The following FZD3 variants were observed in gnomAD, a reference collection of about 807,000 sequenced individuals.
The protein encoded by FZD3 is frizzled class receptor 3.
In FZD3, 30 loss-of-function variants were observed where a neutral mutation model predicts 60.7. The ratio of observed to expected loss-of-function variants is 0.49; its 90% CI spans 0.37 to 0.67. The LOEUF (loss-of-function observed/expected upper bound fraction) is 0.67, where lower values mean the gene tolerates loss of function less well. Ranked by LOEUF, FZD3 falls within the 30% of genes least tolerant of loss-of-function variation. FZD3 has a pLI of 0.00. For synonymous variants in FZD3, 246 were observed against 275.2 expected, an observed-to-expected ratio of 0.89 and a Z score of 1.05; for missense variants, 605 against 838.7, an observed-to-expected ratio of 0.72 and a Z score of 3.44.
rs997666863 is a variant in FZD3, at chr8:28,565,572, A to G, written c.*2561A>G. On this transcript the variant is annotated 3_prime_UTR_variant, in exon 8 of 8. Coordinates refer to ENST00000240093, the MANE Select transcript of FZD3 (RefSeq NM_017412.4). ...TTTCTTTTACAAGTGGGCCAAGTAT[A>G]GACAGTTAAGTGAACATCACTATGA... 6 of 152,214 alleles carry G rather than the reference A, an allele frequency of 3.9e-5. No individual in the cohort carries two copies. Among genetic ancestry groups the G allele is most frequent in the African/African-American group, 9.6e-5 (4 of 41,470 alleles). 9.4% of individuals were successfully genotyped at this position (152,214 alleles called of 1,614,324 possible).
At chr8:28,546,793 G>T (rs892914048) in intron 5 of FZD3, among the ~76,000 whole-genome samples, 1 of 152,084 alleles carries the variant, frequency 6.6e-6, no homozygotes, top group African/African-American at 2.4e-5. Context: ...GGCTAACACA[G>T]TGAAACCCCG....
chr8:28,550,968 C>G (rs1805398319), intron 5 of FZD3, among the ~76,000 whole-genome samples: 1 of 152,042 alleles, frequency 6.6e-6, no homozygotes, highest in Non-Finnish European at 1.5e-5. Flanking sequence ...TTTCACATTA[C>G]TCTTTTAAGA....
At chr8:28,518,807 C>A (rs775936436) in intron 3 of FZD3, among the ~76,000 whole-genome samples, 1 of 152,186 alleles carries the variant, frequency 6.6e-6, no homozygotes, top group Admixed American at 6.5e-5. Context: ...TCTTGTCTTA[C>A]GCCCAGTTCA....
rs1805652941 is a variant in FZD3, at chr8:28,563,505, CTG to C, written c.*496_*497del. The C allele has an allele frequency of 6.4e-6, 1 of 156,654 alleles. No homozygotes were observed. The highest frequency in any genetic ancestry group is 1.9e-4 in the South Asian group (1 of 5,202). The allele number at this position is 156,654 out of a possible 1,614,324, so 9.7% of individuals were successfully genotyped here. A position where few individuals can be genotyped will look rare whatever the true frequency, so the allele number is the denominator to read the frequency against. ...GTGAAAAAAGAACTGTGTTTTTAAA[CTG>C]TAGGAGAATTTAATAAATCAGCAAG... On this transcript the variant is annotated 3_prime_UTR_variant, in exon 8 of 8. Transcript: ENST00000240093.
chr8:28,562,767 T>C, intron 7 of FZD3, 31 bp from the exon 8 acceptor site: 3 of 1,254,658 alleles, frequency 2.4e-6, no homozygotes, highest in Middle Eastern at 1.8e-4. Context: ...GTGTGTTCTG[T>C]TACCCACTTC....
In FZD3 at chr8:28,573,172, C is replaced by T. The variant is rs1410873979; in HGVS notation, c.*10161C>T. 1 of 152,106 alleles carries T rather than the reference C, an allele frequency of 6.6e-6. No individual in the cohort carries two copies. The highest frequency in any genetic ancestry group is 6.6e-5 in the Admixed American group (1 of 15,260). The allele number at this position is 152,106 out of a possible 1,614,324, so 9.4% of individuals were successfully genotyped here. A position where few individuals can be genotyped will look rare whatever the true frequency, so the allele number is the denominator to read the frequency against. On this transcript the variant is annotated 3_prime_UTR_variant, in exon 8 of 8. Transcript: ENST00000240093. The stretch of plus-strand genomic sequence containing the variant: ...CAAAACTTCCTTACCTGCCTTCTAT[C>T]CCCTAGTCATTCTTATCAATACTTC...
At chr8:28,513,500 T>TAAAGGCGTTTTTAC (rs1393455903) in intron 3 of FZD3, among the ~76,000 whole-genome samples, 1 of 152,164 alleles carries the variant, frequency 6.6e-6, no homozygotes. Context: ...AACAGGAAAA[T>TAAAGGCGTTTTTAC]AAACCTATGG....
At chr8:28,497,051 T>G (rs1803863275) in intron 1 of FZD3, among the ~76,000 whole-genome samples, 1 of 152,242 alleles carries the variant, frequency 6.6e-6, no homozygotes, top group African/African-American at 2.4e-5. Context: ...TTTAAAGATC[T>G]TCTGTCTTCT....
intron 2 of FZD3, among the ~76,000 whole-genome samples, chr8:28,500,254 G>C (rs1017150475): frequency 2.0e-5 from 3 of 152,144 alleles, no homozygotes; most frequent in African/African-American, 7.2e-5. Context: ...ATGGTAATTT[G>C]AATGTCATAG....
intron 5 of FZD3, among the ~76,000 whole-genome samples, chr8:28,534,978 C>A (rs550988349): frequency 1.5e-4 from 23 of 152,280 alleles, no homozygotes; most frequent in African/African-American, 5.5e-4. Flanking sequence ...CCTCAGGTGA[C>A]TTAGAGAAAA....
At chr8:28,518,555 A>T (rs543691414) in intron 3 of FZD3, among the ~76,000 whole-genome samples, 1 of 152,228 alleles carries the variant, frequency 6.6e-6, no homozygotes, top group East Asian at 1.9e-4. Context: ...AGACTGCCAA[A>T]ATCTCTACTC....
chr8:28,553,458 G>A (rs540572790), intron 6 of FZD3, among the ~76,000 whole-genome samples: 2 of 152,166 alleles, frequency 1.3e-5, no homozygotes, highest in Non-Finnish European at 2.9e-5. Flanking sequence ...GCTGAGGAAA[G>A]GACTTGAATT....
At position 28,571,744 on chromosome 8, in the gene FZD3, A is replaced by G. The variant is rs928513751; in HGVS notation, c.*8733A>G. On this transcript the variant is annotated 3_prime_UTR_variant, in exon 8 of 8. Transcript: ENST00000240093. Reference sequence around the variant, plus strand: ...GAAGGAATGGCTGGTTTAGACATTTACTTTGGCATAGTAAAGATTGATATT... The same window carrying G: ...GAAGGAATGGCTGGTTTAGACATTTGCTTTGGCATAGTAAAGATTGATATT... 1 of 152,154 alleles carries G rather than the reference A, an allele frequency of 6.6e-6. No homozygotes were observed. The highest frequency in any genetic ancestry group is 1.5e-5 in the Non-Finnish European group (1 of 68,010). The allele number at this position is 152,154 out of a possible 1,614,324, so 9.4% of individuals were successfully genotyped here. A position where few individuals can be genotyped will look rare whatever the true frequency, so the allele number is the denominator to read the frequency against.
Position 28,527,300 on chromosome 8 carries a change from G to A in FZD3, c.540G>A (p.Leu180=). 6.2e-7 allele frequency: 1 copy of A among 1,613,990 alleles called. No individual in the cohort carries two copies. Among genetic ancestry groups the A allele is most frequent in the Non-Finnish European group, 8.5e-7 (1 of 1,179,932 alleles). ...ATCCTGATCTGGGTTATTCTTTTCT[G>A]CATGTGCGTGATTGTTCACCTCCTT... is the stretch of plus-strand genomic sequence containing the variant. ...KIDPDLGYSF[L]HVRDCSPPCP... is the part of the protein sequence containing the mutation. Residue 180 remains leucine, a synonymous_variant, in exon 5 of 8, where the codon CTG becomes CTA. Coordinates refer to ENST00000240093, the MANE Select transcript of FZD3 (RefSeq NM_017412.4). This position sits in a 1 kb window ranked among gnomAD's most constrained non-coding sequence, Gnocchi z 5.0.
chr8:28,553,380 A>T (rs111391926), intron 6 of FZD3, among the ~76,000 whole-genome samples: 2 of 152,182 alleles, frequency 1.3e-5, no homozygotes, highest in South Asian at 4.1e-4. Flanking sequence ...GTCCTCCCTT[A>T]TGGGATTTAC....
At chr8:28,531,143 C>A (rs1237230406) in intron 5 of FZD3, among the ~76,000 whole-genome samples, 1 of 152,074 alleles carries the variant, frequency 6.6e-6, no homozygotes, top group East Asian at 1.9e-4. Context: ...TCTTCTTCCT[C>A]CCTCCCTAGA....
At chr8:28,562,692 G>T in intron 7 of FZD3, 106 bp from the exon 8 acceptor site, 1 of 706,672 alleles carries the variant, frequency 1.4e-6, no homozygotes, top group African/African-American at 1.8e-5. Flanking sequence ...CTCATGGTTG[G>T]TTTCCTAATA....
In FZD3 at chr8:28,568,949, G is replaced by A. The variant is rs1328862935; in HGVS notation, c.*5938G>A. The A allele has an allele frequency of 6.6e-6, 1 of 151,968 alleles. No individual in the cohort carries two copies. Among genetic ancestry groups the A allele is most frequent in the Non-Finnish European group, 1.5e-5 (1 of 67,926 alleles). The allele number at this position is 151,968 out of a possible 1,614,324, so 9.4% of individuals were successfully genotyped here. On this transcript the variant is annotated 3_prime_UTR_variant, in exon 8 of 8. Transcript: ENST00000240093. ...GTTTTTCCCGATAAAGATTAAAAAT[G>A]TTTTTTACCTTGAAATAATTCAGAT...
Position 28,502,959 on chromosome 8 carries a change from T to TA in FZD3, c.-51dup. The TA allele has an allele frequency of 8.2e-7, 1 of 1,219,444 alleles. No individual in the cohort carries two copies. The highest frequency in any genetic ancestry group is 1.2e-6 in the Non-Finnish European group (1 of 850,326). 75.5% of individuals were successfully genotyped at this position (1,219,444 alleles called of 1,614,324 possible). A position where few individuals can be genotyped will look rare whatever the true frequency, so the allele number is the denominator to read the frequency against. On this transcript the variant is annotated 5_prime_UTR_variant, in exon 3 of 8. Transcript: ENST00000240093. ...TGAGACCTGCAGGTGTATAAATATC[T>TA]AAAATACATATTGAATAGGCCTGAT...
Sources: allele counts gnomAD v4.1 joint callset (sites outside exome capture counted in the v4.1 genomes callset), GRCh38; gene constraint gnomAD v4.1.1; non-coding constraint Gnocchi (gnomAD v3.1); transcripts MANE v1.5; gene names NCBI Gene and HGNC (gene_info 2026-07-23, HGNC 2026-07-21).